The following PDE4B variants were observed in gnomAD, a reference collection of about 807,000 sequenced individuals.
The protein encoded by PDE4B is 3',5'-cyclic-AMP phosphodiesterase 4B.
In PDE4B, 20 loss-of-function variants were observed where a neutral mutation model predicts 82.2. That is an observed-to-expected ratio of 0.24 (90% CI 0.17 to 0.35). The LOEUF is 0.35. Among genes scored for constraint, PDE4B ranks in the 10% least tolerant of loss-of-function variants. The pLI, the probability that PDE4B is intolerant of heterozygous loss-of-function variation, is 1.00. For synonymous variants in PDE4B, 320 were observed against 318.9 expected (o/e 1.00, Z -0.04); for missense variants, 655 against 907.2 (o/e 0.72, Z 3.57).
chr1:66,123,716 G>C (rs1212976667), intron 3 of PDE4B, among the ~76,000 whole-genome samples: 1 of 152,052 alleles, frequency 6.6e-6, no homozygotes, highest in African/African-American at 2.4e-5. Context: ...ATTATGGTTA[G>C]ATGCATCTAC....
intron 3 of PDE4B, among the ~76,000 whole-genome samples, chr1:66,049,263 G>C (rs527555809): frequency 1.3e-5 from 2 of 151,956 alleles, no homozygotes; most frequent in South Asian, 2.1e-4. Flanking sequence ...ATTCATTTCA[G>C]ATATTGTGAA....
chr1:66,080,927 C>T (rs1233758532), intron 3 of PDE4B, among the ~76,000 whole-genome samples: 1 of 152,044 alleles, frequency 6.6e-6, no homozygotes, highest in Non-Finnish European at 1.5e-5. Flanking sequence ...TAGTAGGCTC[C>T]AGTGTCTGCT....
intron 1 of PDE4B, among the ~76,000 whole-genome samples, chr1:65,830,286 C>A (rs901998665): frequency 2.6e-5 from 4 of 152,138 alleles, no homozygotes; most frequent in Admixed American, 1.3e-4. Flanking sequence ...ACCTTTCTTA[C>A]AGAAATATTA....
chr1:65,965,262 A>G (rs1649758436), intron 3 of PDE4B, among the ~76,000 whole-genome samples: 1 of 151,986 alleles, frequency 6.6e-6, no homozygotes, highest in Admixed American at 6.6e-5. Context: ...CCCCATGGAA[A>G]AGGAGAACAA....
chr1:65,842,750 C>T (rs12133189), intron 1 of PDE4B, among the ~76,000 whole-genome samples: 17,010 of 152,116 alleles, frequency 0.11, 1,082 homozygotes, highest in Non-Finnish European at 0.14. Flanking sequence ...TAAGTTTGTG[C>T]CCTAAAAATG....
intron 3 of PDE4B, among the ~76,000 whole-genome samples, chr1:66,023,022 TG>T (rs1187863084): frequency 1.3e-5 from 2 of 152,180 alleles, no homozygotes; most frequent in Non-Finnish European, 2.9e-5. Context: ...AACTTCTTCC[TG>T]GTTTAGTCTT....
At chr1:66,139,260 T>G (rs985266875) in intron 3 of PDE4B, among the ~76,000 whole-genome samples, 2 of 152,206 alleles carry the variant, frequency 1.3e-5, no homozygotes, top group South Asian at 4.1e-4. Flanking sequence ...TGAAGTTGCT[T>G]TAAGTTCATG....
intron 1 of PDE4B, among the ~76,000 whole-genome samples, chr1:65,793,948 C>T (rs796775398): frequency 5.3e-5 from 8 of 152,192 alleles, no homozygotes; most frequent in African/African-American, 1.9e-4. Context: ...TTGTGCGGTA[C>T]TTCAAACACA....
At chr1:65,811,765 A>G (rs1486773047) in intron 1 of PDE4B, among the ~76,000 whole-genome samples, 2 of 152,172 alleles carry the variant, frequency 1.3e-5, no homozygotes, top group Non-Finnish European at 2.9e-5. Context: ...TATTAATGAT[A>G]GTAAGGTGGC....
intron 1 of PDE4B, among the ~76,000 whole-genome samples, chr1:65,813,751 C>G (rs12562507): frequency 0.087 from 13,201 of 152,034 alleles, 713 homozygotes; most frequent in South Asian, 0.13. Flanking sequence ...TCAAGGATAA[C>G]TTCAGGGTAT....
At chr1:66,095,874 A>T (rs986257639) in intron 3 of PDE4B, among the ~76,000 whole-genome samples, 2 of 151,888 alleles carry the variant, frequency 1.3e-5, no homozygotes, top group African/African-American at 4.8e-5. Flanking sequence ...TTAAATTTTT[A>T]AATATTTTAT....
At chr1:66,145,901 G>T (rs1256778173) in intron 3 of PDE4B, among the ~76,000 whole-genome samples, 1 of 152,076 alleles carries the variant, frequency 6.6e-6, no homozygotes, top group Non-Finnish European at 1.5e-5. Context: ...GTTGAATAAT[G>T]ATCTCTGCTA....
chr1:65,853,174 A>T (rs1646350188), intron 1 of PDE4B, among the ~76,000 whole-genome samples: 1 of 151,924 alleles, frequency 6.6e-6, no homozygotes. Context: ...TTCGAAGTCT[A>T]CCTTATCTAA....
intron 13 of PDE4B, among the ~76,000 whole-genome samples, chr1:66,366,590 A>G (rs187511040): frequency 1.8e-4 from 27 of 152,312 alleles, no homozygotes; most frequent in African/African-American, 5.5e-4. Flanking sequence ...ACCTTTATCC[A>G]AAGAATATCT....
intron 3 of PDE4B, among the ~76,000 whole-genome samples, chr1:66,160,479 G>A (rs1460840035): frequency 1.3e-5 from 2 of 152,126 alleles, no homozygotes; most frequent in African/African-American, 2.4e-5. Context: ...TACCAGTTAC[G>A]TGGCTACATG....
intron 3 of PDE4B, among the ~76,000 whole-genome samples, chr1:66,182,253 T>C (rs931586475): frequency 1.1e-4 from 16 of 152,138 alleles, no homozygotes; most frequent in African/African-American, 3.9e-4. Context: ...GTTATATCTG[T>C]ACCTATTTTT....
intron 1 of PDE4B, among the ~76,000 whole-genome samples, chr1:65,810,687 C>T (rs1241903882): frequency 2.0e-5 from 3 of 152,148 alleles, no homozygotes; most frequent in South Asian, 2.1e-4. Context: ...TTAGGTCTAT[C>T]TGACTCCAAA....
intron 3 of PDE4B, among the ~76,000 whole-genome samples, chr1:66,194,724 AG>A (rs1648137273): frequency 6.6e-6 from 1 of 152,154 alleles, no homozygotes; most frequent in African/African-American, 2.4e-5. Context: ...ATAATAAAAA[AG>A]GTGAGTTCCT....
At chr1:65,978,670 ATGTTATC>A (rs1650536483) in intron 3 of PDE4B, among the ~76,000 whole-genome samples, 1 of 152,216 alleles carries the variant, frequency 6.6e-6, no homozygotes, top group African/African-American at 2.4e-5. Context: ...TTTAGGAAAT[ATGTTATC>A]TATGGCAAAA....
Sources: gnomAD v4.1 joint callset for allele counts (sites outside exome capture counted in the v4.1 genomes callset) on GRCh38, gnomAD v4.1.1 for gene constraint, MANE v1.5 for transcripts, NCBI Gene and HGNC (gene_info 2026-07-23, HGNC 2026-07-21) for gene names.